TTC29: variants seen among roughly 807,000 people sequenced by gnomAD.
The protein encoded by TTC29 is tetratricopeptide repeat domain 29.
TTC29 carries 49 observed loss-of-function variants against 58.1 expected under a neutral mutation model. That is an observed-to-expected ratio of 0.84 (90% CI 0.67 to 1.07). The LOEUF (loss-of-function observed/expected upper bound fraction) is 1.07. Among genes scored for constraint, TTC29 ranks in the 50% least tolerant of loss-of-function variants. TTC29 has a pLI of 0.00. For synonymous variants in TTC29, 209 were observed against 196.8 expected (o/e 1.06, Z -0.52); for missense variants, 582 against 555.6 (o/e 1.05, Z -0.48).
At chr4:146,814,773 C>T (rs956647898) in intron 10 of TTC29, among the ~76,000 whole-genome samples, 8 of 148,828 alleles carry the variant, frequency 5.4e-5, no homozygotes, top group Non-Finnish European at 1.2e-4. Flanking sequence ...GACTTGATGG[C>T]CATTCTTTCG....
intron 4 of TTC29, among the ~76,000 whole-genome samples, chr4:146,913,835 A>G (rs1734051111): frequency 6.6e-6 from 1 of 152,154 alleles, no homozygotes; most frequent in South Asian, 2.1e-4. Context: ...TTGGACAATC[A>G]TTTCCACAAT....
chr4:146,790,048 G>A (rs541781807), intron 11 of TTC29, among the ~76,000 whole-genome samples: 116 of 152,178 alleles, frequency 7.6e-4, no homozygotes, highest in Middle Eastern at 6.8e-3. Context: ...AACAAGCCTT[G>A]CTTTATCTGG....
In TTC29 at chr4:146,708,324, A is replaced by ATATACATGTATGTGTGTG. The variant is rs1561046710; in HGVS notation, c.1331-774_1331-773insCACACACATACATGTATA. Reference sequence around the variant, plus strand: ...ATGGGAAGTTTATATATATATATATATATATATATATATATATATATATAT... The same window carrying ATATACATGTATGTGTGTG: ...ATGGGAAGTTTATATATATATATATATATACATGTATGTGTGTGTATATATATATATATATATATATAT... On this transcript the variant is annotated intron_variant, in intron 11 of 12. Coordinates refer to ENST00000325106, the MANE Select transcript of TTC29 (RefSeq NM_031956.4). 5.3e-3 allele frequency among the ~76,000 whole-genome samples: 189 copies of ATATACATGTATGTGTGTG among 35,662 alleles called. 11 individuals carry two copies. Among genetic ancestry groups the ATATACATGTATGTGTGTG allele is most frequent in the African/African-American group, 0.01 (178 of 17,164 alleles). 23.4% of individuals were successfully genotyped at this position (35,662 alleles called of 152,430 possible).
chr4:146,720,705 C>G (rs1208646899), intron 11 of TTC29, among the ~76,000 whole-genome samples: 1 of 152,048 alleles, frequency 6.6e-6, no homozygotes, highest in Non-Finnish European at 1.5e-5. Context: ...CAATAGCAAA[C>G]CAAGTAGACA....
chr4:146,725,603 G>C (rs1743727183), intron 11 of TTC29, among the ~76,000 whole-genome samples: 1 of 152,112 alleles, frequency 6.6e-6, no homozygotes, highest in Non-Finnish European at 1.5e-5. Flanking sequence ...TTAGGTTGAA[G>C]AAAACTTTAT....
chr4:146,707,602 G>C, intron 11 of TTC29, 51 bp from the exon 12 acceptor site: 1 of 1,351,392 alleles, frequency 7.4e-7, no homozygotes, highest in South Asian at 1.2e-5. Flanking sequence ...ACAGTTTATA[G>C]TTATTTTGAT....
At chr4:146,930,153 G>A (rs1735234294) in intron 4 of TTC29, among the ~76,000 whole-genome samples, 1 of 121,208 alleles carries the variant, frequency 8.3e-6, no homozygotes, top group Non-Finnish European at 1.6e-5. Context: ...TGCCTTCCTA[G>A]ATCAAAGAAA....
At chr4:146,855,147 T>A (rs1053696016) in intron 8 of TTC29, among the ~76,000 whole-genome samples, 16 of 150,922 alleles carry the variant, frequency 1.1e-4, no homozygotes, top group Non-Finnish European at 1.8e-4. Flanking sequence ...CTACAAAAAT[T>A]AGCTGGGCAT....
At chr4:146,842,065 G>A (rs904238066) in intron 8 of TTC29, among the ~76,000 whole-genome samples, 1 of 151,946 alleles carries the variant, frequency 6.6e-6, no homozygotes, top group African/African-American at 2.4e-5. Context: ...ATAATTATTG[G>A]GGGGGTGCTA....
chr4:146,803,212 A>C (rs1395372417), intron 11 of TTC29, among the ~76,000 whole-genome samples: 1 of 152,116 alleles, frequency 6.6e-6, no homozygotes, highest in African/African-American at 2.4e-5. Context: ...GAAAAAAAAA[A>C]CAGCATGAGA....
chr4:146,755,313 T>C (rs1746359282), intron 11 of TTC29, among the ~76,000 whole-genome samples: 1 of 152,164 alleles, frequency 6.6e-6, no homozygotes, highest in African/African-American at 2.4e-5. Context: ...AATATAAAGT[T>C]TTAATGCAAT....
At chr4:146,735,180 C>T (rs758213643) in intron 11 of TTC29, among the ~76,000 whole-genome samples, 8 of 152,140 alleles carry the variant, frequency 5.3e-5, no homozygotes, top group South Asian at 2.1e-4. Context: ...AAGCCACCCC[C>T]CTAAAGGCAA....
chr4:146,935,609 T>C (rs989200110), intron 4 of TTC29, among the ~76,000 whole-genome samples: 1 of 152,162 alleles, frequency 6.6e-6, no homozygotes, highest in Non-Finnish European at 1.5e-5. Flanking sequence ...TCTTGACCTC[T>C]AGGCTGCACC....
At chr4:146,893,205 CAG>C (rs1579927013) in intron 6 of TTC29, among the ~76,000 whole-genome samples, 1 of 152,062 alleles carries the variant, frequency 6.6e-6, no homozygotes, top group Non-Finnish European at 1.5e-5. Context: ...GGAACCAAAA[CAG>C]AGCTCGCATC....
intron 4 of TTC29, among the ~76,000 whole-genome samples, chr4:146,928,325 TA>T (rs1215481244): frequency 1.3e-5 from 2 of 152,206 alleles, no homozygotes; most frequent in African/African-American, 2.4e-5. Flanking sequence ...CATCAATTTT[TA>T]GCTGTAAATT....
intron 11 of TTC29, among the ~76,000 whole-genome samples, chr4:146,738,705 G>C (rs1046359256): frequency 3.9e-5 from 6 of 152,104 alleles, no homozygotes; most frequent in African/African-American, 1.4e-4. Flanking sequence ...CCTTTCACCT[G>C]CCCCGCAGCG....
At chr4:146,760,800 CTA>C (rs371961212) in intron 11 of TTC29, among the ~76,000 whole-genome samples, 43 of 109,864 alleles carry the variant, frequency 3.9e-4, no homozygotes, top group African/African-American at 1.5e-3. Context: ...TGATGGAATA[CTA>C]TATATATATG....
intron 10 of TTC29, among the ~76,000 whole-genome samples, chr4:146,815,297 A>G (rs1579740369): frequency 6.6e-6 from 1 of 152,114 alleles, no homozygotes; most frequent in East Asian, 1.9e-4. Context: ...TGGTAACATA[A>G]AGGTCAGAGT....
At chr4:146,709,154 C>T (rs1742302789) in intron 11 of TTC29, among the ~76,000 whole-genome samples, 1 of 152,092 alleles carries the variant, frequency 6.6e-6, no homozygotes, top group South Asian at 2.1e-4. Context: ...ATTATTCCAC[C>T]TTAAGTCTCA....
Sources: allele counts gnomAD v4.1 joint callset (sites outside exome capture counted in the v4.1 genomes callset), GRCh38; gene constraint gnomAD v4.1.1; transcripts MANE v1.5; gene names NCBI Gene and HGNC (gene_info 2026-07-23, HGNC 2026-07-21).